The following DCC variants were observed in gnomAD, a reference collection of about 807,000 sequenced individuals.
The protein encoded by DCC is DCC netrin 1 receptor.
DCC carries 58 observed loss-of-function variants against 172.5 expected under a neutral mutation model. That is an observed-to-expected ratio of 0.34 (90% CI 0.27 to 0.42). The LOEUF (loss-of-function observed/expected upper bound fraction) is 0.42, where lower values mean the gene tolerates loss of function less well. Among genes scored for constraint, DCC ranks in the 10% least tolerant of loss-of-function variants. The probability of loss-of-function intolerance (pLI) is 1.00; values close to 1 mark genes in which losing one functional copy is unlikely to be tolerated. For synonymous variants in DCC, 709 were observed against 644.5 expected (o/e 1.10, Z -1.52); for missense variants, 1,740 against 1,791.0 (o/e 0.97, Z 0.51).
At chr18:52,644,958 G>A (rs138396807) in intron 1 of DCC, among the ~76,000 whole-genome samples, 206 of 152,236 alleles carry the variant, frequency 1.4e-3, no homozygotes, top group Non-Finnish European at 1.9e-3. Flanking sequence ...GATTTGAGTA[G>A]GAGGCAGCTT....
chr18:52,703,922 A>T (rs1285672279), intron 1 of DCC, among the ~76,000 whole-genome samples: 1 of 152,066 alleles, frequency 6.6e-6, no homozygotes, highest in Non-Finnish European at 1.5e-5. Flanking sequence ...AATCCAGGGG[A>T]TCTGATTTTG....
At chr18:53,173,658 G>T (rs1465607695) in intron 8 of DCC, among the ~76,000 whole-genome samples, 1 of 151,664 alleles carries the variant, frequency 6.6e-6, no homozygotes, top group Non-Finnish European at 1.5e-5. Context: ...ACCCAATACA[G>T]GAGCACCAAG....
At chr18:52,752,602 A>T (rs1297419469) in intron 2 of DCC, among the ~76,000 whole-genome samples, 1 of 152,110 alleles carries the variant, frequency 6.6e-6, no homozygotes, top group Non-Finnish European at 1.5e-5. Context: ...GTCACCACAT[A>T]CTTCTCTCTT....
chr18:53,301,572 C>A (rs181395690), intron 12 of DCC, among the ~76,000 whole-genome samples: 6 of 152,250 alleles, frequency 3.9e-5, no homozygotes, highest in African/African-American at 1.4e-4. Flanking sequence ...CAGGCTCTTT[C>A]TTTCCCCTCC....
chr18:52,778,072 A>G (rs2037465647), intron 2 of DCC, among the ~76,000 whole-genome samples: 1 of 152,248 alleles, frequency 6.6e-6, no homozygotes, highest in South Asian at 2.1e-4. Context: ...TAAGCGAAGC[A>G]AATCGTGGCA....
chr18:52,377,808 G>A (rs1257351395), intron 1 of DCC, among the ~76,000 whole-genome samples: 1 of 150,830 alleles, frequency 6.6e-6, no homozygotes, highest in African/African-American at 2.4e-5. Flanking sequence ...CCGGGTTCAA[G>A]CAATTCTCAT....
intron 5 of DCC, among the ~76,000 whole-genome samples, chr18:52,926,964 G>GGT (rs1555682757): frequency 7.3e-6 from 1 of 137,636 alleles, no homozygotes; most frequent in Admixed American, 7.2e-5. Flanking sequence ...ACTATATATG[G>GGT]ATATATATAC....
intron 1 of DCC, among the ~76,000 whole-genome samples, chr18:52,725,944 A>G (rs1012602386): frequency 1.1e-4 from 17 of 152,334 alleles, no homozygotes; most frequent in Admixed American, 7.8e-4. Flanking sequence ...ATCTTCTTAC[A>G]TACATTATCT....
chr18:53,377,782 T>C (rs186287896), intron 15 of DCC, among the ~76,000 whole-genome samples: 2 of 152,304 alleles, frequency 1.3e-5, no homozygotes, highest in Admixed American at 6.5e-5. Context: ...GTTGCTGTTA[T>C]TATTGTCTTC....
intron 7 of DCC, among the ~76,000 whole-genome samples, chr18:53,151,941 C>G (rs1457934832): frequency 6.6e-6 from 1 of 151,760 alleles, no homozygotes; most frequent in Non-Finnish European, 1.5e-5. Flanking sequence ...TTAGGTTTAT[C>G]CACTTCTTCA....
At chr18:52,831,186 G>T (rs900295864) in intron 2 of DCC, among the ~76,000 whole-genome samples, 1 of 152,110 alleles carries the variant, frequency 6.6e-6, no homozygotes, top group African/African-American at 2.4e-5. Flanking sequence ...TAAACATGAC[G>T]GTCATTTTCA....
At chr18:52,596,419 T>C (rs12607660) in intron 1 of DCC, among the ~76,000 whole-genome samples, 77,082 of 151,986 alleles carry the variant, frequency 0.51, 20,035 homozygotes, top group Middle Eastern at 0.57. Flanking sequence ...TCATTTAACC[T>C]GATAATTCTC....
chr18:53,030,208 C>A (rs1360262694), intron 5 of DCC, among the ~76,000 whole-genome samples: 1 of 152,150 alleles, frequency 6.6e-6, no homozygotes, highest in African/African-American at 2.4e-5. Flanking sequence ...CCCATTCCAC[C>A]CCAGTAAAGT....
At chr18:53,527,414 T>C (rs1041542051) in intron 28 of DCC, among the ~76,000 whole-genome samples, 2 of 151,838 alleles carry the variant, frequency 1.3e-5, no homozygotes, top group South Asian at 2.1e-4. Context: ...TAAAAAAATA[T>C]AGTGACAAAA....
intron 1 of DCC, among the ~76,000 whole-genome samples, chr18:52,364,827 G>A (rs552523565): frequency 6.6e-6 from 1 of 152,318 alleles, no homozygotes; most frequent in South Asian, 2.1e-4. Context: ...AGTGGCCATT[G>A]TCTTTCATGA....
At chr18:53,451,743 C>T (rs1365702238) in intron 23 of DCC, among the ~76,000 whole-genome samples, 2 of 151,468 alleles carry the variant, frequency 1.3e-5, no homozygotes, top group Admixed American at 6.6e-5. Flanking sequence ...CCATCTCTCT[C>T]TCTCTCTGTC....
rs752694844 is a variant in DCC at position 53,410,634 on chromosome 18, A to G, written c.3118A>G (p.Arg1040Gly). Residue 1040 changes from arginine to glycine, a missense_variant, in exon 20 of 29, where the codon AGG becomes GGG. Arg to Gly is a moderately radical substitution (Grantham distance 125, BLOSUM62 -2). Transcript: ENST00000442544. ...VGPLSDPILF[R>G]TLKVEHPDKM... ...GCCACTCTCTGATCCTATCCTCTTC[A>G]GGACTCTGAAAGGTTTGAATAATTT... 6.3e-7 allele frequency: 1 copy of G among 1,592,928 alleles called. No individual in the cohort carries two copies. The highest frequency in any genetic ancestry group is 1.7e-5 in the Admixed American group (1 of 59,958).
intron 2 of DCC, among the ~76,000 whole-genome samples, chr18:52,856,146 GTTTAAATAA>G (rs1442408271): frequency 2.0e-5 from 3 of 152,056 alleles, no homozygotes; most frequent in African/African-American, 7.2e-5. Flanking sequence ...ACAACTCCTT[GTTTAAATAA>G]TTTAAGTCAA....
intron 12 of DCC, among the ~76,000 whole-genome samples, chr18:53,295,368 A>G (rs1260042567): frequency 2.0e-5 from 3 of 152,150 alleles, no homozygotes; most frequent in Admixed American, 6.6e-5. Flanking sequence ...TATCAAATCC[A>G]TGCTGGGTTG....
Sources: allele counts gnomAD v4.1 joint callset (sites outside exome capture counted in the v4.1 genomes callset), GRCh38; gene constraint gnomAD v4.1.1; transcripts MANE v1.5; gene names NCBI Gene and HGNC (gene_info 2026-07-23, HGNC 2026-07-21).